Variants in GTF2H5 observed in about 807,000 individuals in gnomAD.
The protein encoded by GTF2H5 is TFB5 ortholog.
Under a neutral mutation model 7.1 loss-of-function variants are expected in GTF2H5, and 5 were observed. The observed-to-expected ratio is 0.71, with a 90% confidence interval of 0.37 to 1.49. The LOEUF (loss-of-function observed/expected upper bound fraction) is 1.49. Ranked by LOEUF, GTF2H5 falls within the 40% of genes most tolerant of loss-of-function variation. GTF2H5 has a pLI of 0.03. For missense variants in GTF2H5, 80 were observed against 83.0 expected (o/e 0.96, Z 0.14); for synonymous variants, 30 against 31.7 (o/e 0.95, Z 0.18).
chr6:158,169,239 G>GTATA lies in GTF2H5; in HGVS notation c.-35+849_-35+852dup, dbSNP rs1165971668. Among the ~76,000 whole-genome samples, 11 of 132,970 alleles carry GTATA rather than the reference G, an allele frequency of 8.3e-5. 1 individual carries two copies. Among genetic ancestry groups the GTATA allele is most frequent in the Non-Finnish European group, 1.2e-4 (8 of 64,460 alleles). 87.2% of individuals were successfully genotyped at this position (132,970 alleles called of 152,430 possible). A position where few individuals can be genotyped will look rare whatever the true frequency, so the allele number is the denominator to read the frequency against. On this transcript the variant is annotated intron_variant, in intron 1 of 2. Coordinates refer to ENST00000607778, the MANE Select transcript of GTF2H5 (RefSeq NM_207118.3). ...ACAGAGTGAGACTCTGTCTCGAAGTGTATATATACATATATATATATTATA... is the reference window on the plus strand; with the variant it reads ...ACAGAGTGAGACTCTGTCTCGAAGTGTATATATATATACATATATATATATTATA...
rs1409676556 is a variant in GTF2H5, at chr6:158,197,617, T to C, written c.*5460T>C. On this transcript the variant is annotated 3_prime_UTR_variant, in exon 3 of 3. Transcript: ENST00000607778. ...CTTTTTGGAGGGCCAAATAAAGATA[T>C]CATCTGCTTATTATGAGAGTGTTTC... The C allele has an allele frequency of 6.6e-6, 1 of 152,192 alleles. No homozygotes were observed. Among genetic ancestry groups the C allele is most frequent in the Non-Finnish European group, 1.5e-5 (1 of 68,044 alleles). The allele number at this position is 152,192 out of a possible 1,614,324, so 9.4% of individuals were successfully genotyped here.
At chr6:158,176,107 C>A (rs919545710) in intron 2 of GTF2H5, among the ~76,000 whole-genome samples, 3 of 152,198 alleles carry the variant, frequency 2.0e-5, no homozygotes, top group African/African-American at 7.2e-5. Flanking sequence ...TAATCAATTG[C>A]TCAGTTACAT....
intron 1 of GTF2H5, among the ~76,000 whole-genome samples, chr6:158,169,371 A>G (rs1438520608): frequency 9.9e-6 from 1 of 100,804 alleles, no homozygotes; most frequent in Non-Finnish European, 1.8e-5. Context: ...TATATATAAT[A>G]TGTATATTAT....
At position 158,169,707 on chromosome 6, in the gene GTF2H5, G is replaced by GTATATTATATATTATATAA. The variant is rs1562469283; in HGVS notation, c.-34-756_-34-738dup. ...TATAATATATATTATATAATATATTGTATATTATATATTATATAATATATT... is the reference window on the plus strand; with the variant it reads ...TATAATATATATTATATAATATATTGTATATTATATATTATATAATATATTATATATTATATAATATATT... On this transcript the variant is annotated intron_variant, in intron 1 of 2. Coordinates refer to ENST00000607778, the MANE Select transcript of GTF2H5 (RefSeq NM_207118.3). Among the ~76,000 whole-genome samples, 142 of 43,566 alleles carry GTATATTATATATTATATAA rather than the reference G, an allele frequency of 3.3e-3. 10 individuals are homozygous for GTATATTATATATTATATAA. Among genetic ancestry groups the GTATATTATATATTATATAA allele is most frequent in the African/African-American group, 5.7e-3 (58 of 10,104 alleles). 28.6% of individuals were successfully genotyped at this position (43,566 alleles called of 152,430 possible). A position where few individuals can be genotyped will look rare whatever the true frequency, so the allele number is the denominator to read the frequency against.
chr6:158,169,389 A>AT (rs1309638972), intron 1 of GTF2H5, among the ~76,000 whole-genome samples: 47 of 95,298 alleles, frequency 4.9e-4, no homozygotes, highest in African/African-American at 1.9e-3. Flanking sequence ...TATATATTAT[A>AT]TATAATATTA....
In GTF2H5 at chr6:158,169,673, TATATAATATATAATATATATTATATA is replaced by T. The variant is rs1562469082; in HGVS notation, c.-34-791_-34-766del. Among the ~76,000 whole-genome samples, 2 of 41,098 alleles carry T rather than the reference TATATAATATATAATATATATTATATA, an allele frequency of 4.9e-5. 1 individual carries two copies. Among genetic ancestry groups the T allele is most frequent in the African/African-American group, 2.3e-4 (2 of 8,518 alleles). The allele number at this position is 41,098 out of a possible 152,430, so 27.0% of individuals were successfully genotyped here. On this transcript the variant is annotated intron_variant, in intron 1 of 2. Transcript: ENST00000607778. ...ATATTACATATAATATATTGTATAT[TATATAATATATAATATATATTATATA>T]ATATATTGTATATTATATATTATAT...
chr6:158,189,995 C>T (rs998054162), intron 2 of GTF2H5, among the ~76,000 whole-genome samples: 2 of 152,116 alleles, frequency 1.3e-5, no homozygotes, highest in Non-Finnish European at 2.9e-5. Context: ...CTTTCTACCT[C>T]GGTGGTCACT....
intron 2 of GTF2H5, among the ~76,000 whole-genome samples, chr6:158,179,636 CTGTT>C (rs746057516): frequency 9.2e-5 from 14 of 152,226 alleles, no homozygotes; most frequent in East Asian, 3.9e-4. Context: ...ATTTGGCTCT[CTGTT>C]TGTCTGTTAT....
intron 2 of GTF2H5, among the ~76,000 whole-genome samples, chr6:158,182,220 T>G (rs1251649464): frequency 1.3e-5 from 2 of 152,244 alleles, no homozygotes; most frequent in Non-Finnish European, 2.9e-5. Flanking sequence ...TCTTCTGGCT[T>G]GTAGGGTTTA....
Position 158,192,232 on chromosome 6 carries a change from C to T in GTF2H5, c.*75C>T. 1 of 1,126,920 alleles carries T rather than the reference C, an allele frequency of 8.9e-7. No individual in the cohort carries two copies. The highest frequency in any genetic ancestry group is 1.3e-5 in the South Asian group (1 of 79,612). The allele number at this position is 1,126,920 out of a possible 1,614,324, so 69.8% of individuals were successfully genotyped here. A position where few individuals can be genotyped will look rare whatever the true frequency, so the allele number is the denominator to read the frequency against. ...ACTTGCCACTCAATATCTTAGGTGA[C>T]TGATTAGACATAGAGGGTTGTTTTA... On this transcript the variant is annotated 3_prime_UTR_variant, in exon 3 of 3. Coordinates refer to ENST00000607778, the MANE Select transcript of GTF2H5 (RefSeq NM_207118.3).
At chr6:158,184,622 C>CA (rs1407256482) in intron 2 of GTF2H5, among the ~76,000 whole-genome samples, 1 of 152,144 alleles carries the variant, frequency 6.6e-6, no homozygotes, top group Non-Finnish European at 1.5e-5. Context: ...ACTCAGAAAA[C>CA]ACTTTGGAAA....
Position 158,192,154 on chromosome 6 carries a change from A to G in GTF2H5, c.213A>G (p.Lys71=). 1.2e-6 allele frequency: 2 copies of G among 1,610,638 alleles called. No homozygotes were observed. Among genetic ancestry groups the G allele is most frequent in the Non-Finnish European group, 8.5e-7 (1 of 1,178,068 alleles). The change falls in exon 3 of 3, where the codon AAA becomes AAG. Residue 71 remains lysine (K), a synonymous_variant. Coordinates refer to ENST00000607778, the MANE Select transcript of GTF2H5 (RefSeq NM_207118.3). The part of the protein sequence containing the change: ...MDQNAFSLTQ[K] The stretch of plus-strand genomic sequence containing the variant: ...AAAATGCTTTTTCCCTTACCCAGAA[A>G]TGAAAATACTCAATATGGACCATTT...
intron 2 of GTF2H5, among the ~76,000 whole-genome samples, chr6:158,176,656 G>A (rs1401639852): frequency 1.3e-5 from 2 of 152,152 alleles, no homozygotes; most frequent in South Asian, 2.1e-4. Flanking sequence ...ACCCAGCAGC[G>A]CTAGAGGAAT....
intron 2 of GTF2H5, 114 bp downstream of exon 2, chr6:158,170,652 C>T (rs762948628): frequency 3.9e-5 from 31 of 798,774 alleles, no homozygotes; most frequent in Non-Finnish European, 6.2e-5. Flanking sequence ...TCAAGTCTTT[C>T]GCTTTTAACA....
At chr6:158,181,971 G>A (rs75966325) in intron 2 of GTF2H5, among the ~76,000 whole-genome samples, 3 of 152,262 alleles carry the variant, frequency 2.0e-5, no homozygotes, top group Admixed American at 6.5e-5. Flanking sequence ...TCCTAGCATC[G>A]ATGGTCTTTA....
chr6:158,181,287 C>G (rs1786007108), intron 2 of GTF2H5, among the ~76,000 whole-genome samples: 1 of 152,084 alleles, frequency 6.6e-6, no homozygotes. Context: ...TGTTTTACTT[C>G]CAATTATATG....
intron 2 of GTF2H5, among the ~76,000 whole-genome samples, chr6:158,187,659 C>G (rs1015046425): frequency 5.3e-5 from 8 of 152,138 alleles, no homozygotes; most frequent in African/African-American, 1.9e-4. Context: ...GCTCCGCCTC[C>G]CAGGTTCATG....
rs1378374268 is a variant in GTF2H5 at position 158,192,632 on chromosome 6, A to AT, written c.*476dup. On this transcript the variant is annotated 3_prime_UTR_variant, in exon 3 of 3. Transcript: ENST00000607778. The stretch of plus-strand genomic sequence containing the variant: ...CCAGTCAGCTCTATTGAGGAAGACA[A>AT]TGTAAAACTAATGTAAACTACAGTT... 5.8e-6 allele frequency: 1 copy of AT among 171,896 alleles called. No individual in the cohort carries two copies. Among genetic ancestry groups the AT allele is most frequent in the East Asian group, 1.5e-4 (1 of 6,576 alleles). 10.6% of individuals were successfully genotyped at this position (171,896 alleles called of 1,614,324 possible). A position where few individuals can be genotyped will look rare whatever the true frequency, so the allele number is the denominator to read the frequency against.
intron 2 of GTF2H5, among the ~76,000 whole-genome samples, chr6:158,171,335 A>G (rs563823399): frequency 6.6e-6 from 1 of 152,328 alleles, no homozygotes; most frequent in East Asian, 1.9e-4. Flanking sequence ...AAAAATCTTC[A>G]TCTTCAAAGT....
Sources: gnomAD v4.1 joint callset for allele counts (sites outside exome capture counted in the v4.1 genomes callset) on GRCh38, gnomAD v4.1.1 for gene constraint, MANE v1.5 for transcripts, NCBI Gene and HGNC (gene_info 2026-07-23, HGNC 2026-07-21) for gene names.